The following LGALS16 variants were observed in gnomAD, a reference collection of about 807,000 sequenced individuals.
LGALS16 encodes galectin 16.
In LGALS16, 15 loss-of-function variants were observed where a neutral mutation model predicts 13.2. The observed-to-expected ratio is 1.13, with a 90% CI of 0.76 to 1.75. The LOEUF (loss-of-function observed/expected upper bound fraction) is 1.75, where lower values mean the gene tolerates loss of function less well. Ranked by LOEUF, LGALS16 falls within the 40% of genes most tolerant of loss-of-function variation. LGALS16 has a pLI of 0.00. For synonymous variants in LGALS16, 66 were observed against 65.4 expected (o/e 1.01, Z -0.05); for missense variants, 198 against 178.4 (o/e 1.11, Z -0.63).
Position 39,658,549 on chromosome 19 carries a change from G to A in LGALS16, c.182G>A (p.Arg61His), listed in dbSNP as rs184657849. 73 of 1,608,370 alleles carry A rather than the reference G, an allele frequency of 4.5e-5. No homozygotes were observed. The Admixed American group carries it at 7.1e-4, about 16-fold the overall frequency. Residue 61 changes from arginine (R) to histidine (H), a missense_variant, in exon 3 of 4, where the codon CGT becomes CAT. Transcript: ENST00000392051. ...AFHLRVHLGR[R>H]VVMNSREFGI... ...CATTTGCGAGTGCACTTAGGCCGTCGTGTGGTCATGAACAGTCGTGAGTTT... is the reference window on the plus strand; with the variant it reads ...CATTTGCGAGTGCACTTAGGCCGTCATGTGGTCATGAACAGTCGTGAGTTT...
chr19:39,659,102 CT>C (rs74178093), intron 3 of LGALS16, among the ~76,000 whole-genome samples: 2,544 of 140,768 alleles, frequency 0.018, 58 homozygotes, highest in African/African-American at 0.057. Context: ...AATCCTTTTT[CT>C]TTTTTTTTTT....
chr19:39,658,583 G>C lies in LGALS16; in HGVS notation c.216G>C (p.Trp72Cys). 6.2e-7 allele frequency: 1 copy of C among 1,608,268 alleles called. No homozygotes were observed. The highest frequency in any genetic ancestry group is 8.5e-7 in the Non-Finnish European group (1 of 1,178,958). The change falls in exon 3 of 4, where the codon TGG becomes TGC. Residue 72 changes from tryptophan (W) to cysteine (C), a missense_variant. Transcript: ENST00000392051. The stretch of plus-strand genomic sequence containing the variant: ...TGAACAGTCGTGAGTTTGGGATATG[G>C]ATGTTGGAGGAGAATTTACACTATG... The part of the protein sequence containing the change: ...VVMNSREFGI[W>C]MLEENLHYVP...
intron 1 of LGALS16, 41 bp from the exon 2 acceptor site, chr19:39,657,842 C>A (rs1390042909): frequency 1.9e-6 from 3 of 1,605,026 alleles, no homozygotes; most frequent in Non-Finnish European, 1.7e-6. Flanking sequence ...GGAGACTGCA[C>A]CTGACCCTGC....
intron 2 of LGALS16, among the ~76,000 whole-genome samples, chr19:39,658,215 CA>C (rs1973217210): frequency 6.6e-6 from 1 of 152,156 alleles, no homozygotes. Context: ...ATAGAATTTT[CA>C]GGGAATGAAC....
In LGALS16 at chr19:39,658,459, G is replaced by T; in HGVS notation, c.93-1G>T. The T allele has an allele frequency of 6.3e-7, 1 of 1,593,444 alleles. No homozygotes were observed. Among genetic ancestry groups the T allele is most frequent in the Non-Finnish European group, 8.5e-7 (1 of 1,172,880 alleles). On this transcript the variant is annotated splice_acceptor_variant, in intron 2 of 3. Transcript: ENST00000392051. LOFTEE classifies it high-confidence loss of function. ...CAATATGCTGTGTGCTTTGCCCTCA[G>T]CAACGAACCACAGCTGCAGGTGGAT...
At chr19:39,658,823 C>T (rs1475220349) in intron 3 of LGALS16, among the ~76,000 whole-genome samples, 153 bp downstream of exon 3, 2 of 152,178 alleles carry the variant, frequency 1.3e-5, no homozygotes, top group Non-Finnish European at 2.9e-5. Context: ...TCTGCTTGCA[C>T]TGCCGTCCTC....
In LGALS16 at chr19:39,660,521, T is replaced by A. The variant is rs1247637767; in HGVS notation, c.*1T>A. On this transcript the variant is annotated 3_prime_UTR_variant, in exon 4 of 4. Transcript: ENST00000392051. ...GCTTGTCAACAATGGACGGAGATGA[T>A]CACACTCCTCATTGTTGAGGAAACC... 6.5e-7 allele frequency: 1 copy of A among 1,549,410 alleles called. No individual in the cohort carries two copies. Among genetic ancestry groups the A allele is most frequent in the Admixed American group, 1.9e-5 (1 of 52,396 alleles).
intron 1 of LGALS16, chr19:39,657,678 G>T: frequency 1.6e-6 from 1 of 626,158 alleles, no homozygotes; most frequent in Non-Finnish European, 2.8e-6. Flanking sequence ...CTGGAATCCA[G>T]GCTTCTTGGC....
chr19:39,660,507 A>G lies in LGALS16; in HGVS notation c.416A>G (p.Asn139Ser). The stretch of plus-strand genomic sequence containing the variant: ...TCCCTGGACTCAGTGCTTGTCAACA[A>G]TGGACGGAGATGATCACACTCCTCA... ...DVSLDSVLVN[N>S]GRR is the part of the protein sequence containing the mutation. The change falls in exon 4 of 4, where the codon AAT becomes AGT. Residue 139 changes from asparagine (N) to serine (S), a missense_variant. Physicochemically the swap from Asn to Ser is conservative, Grantham distance 46. Coordinates refer to ENST00000392051, the MANE Select transcript of LGALS16 (RefSeq NM_001190441.3). 1 of 1,546,590 alleles carries G rather than the reference A, an allele frequency of 6.5e-7. No homozygotes were observed. The highest frequency in any genetic ancestry group is 8.7e-7 in the Non-Finnish European group (1 of 1,151,136).
Position 39,655,929 on chromosome 19 carries a change from A to T in LGALS16, c.-33A>T, listed in dbSNP as rs1321708207. ...CAGAGATTCACTCAGAAGACTGGACACAATTCCGAAGGTCGCCCAGAAGGA... is the reference window on the plus strand; with the variant it reads ...CAGAGATTCACTCAGAAGACTGGACTCAATTCCGAAGGTCGCCCAGAAGGA... On this transcript the variant is annotated 5_prime_UTR_variant, in exon 1 of 4. Transcript: ENST00000392051. 2 of 1,612,930 alleles carry T rather than the reference A, an allele frequency of 1.2e-6. No individual in the cohort carries two copies. Among genetic ancestry groups the T allele is most frequent in the African/African-American group, 2.7e-5 (2 of 74,940 alleles).
chr19:39,658,279 G>A (rs1251839454), intron 2 of LGALS16, among the ~76,000 whole-genome samples, 181 bp from the exon 3 acceptor site: 1 of 152,174 alleles, frequency 6.6e-6, no homozygotes, highest in Non-Finnish European at 1.5e-5. Context: ...TGGGGATGAG[G>A]GGCACAGCAT....
chr19:39,657,555 T>C (rs545895748), intron 1 of LGALS16, among the ~76,000 whole-genome samples: 57 of 152,280 alleles, frequency 3.7e-4, no homozygotes, highest in African/African-American at 1.3e-3. Context: ...TGCTCTATTA[T>C]GGAGAACTTC....
intron 3 of LGALS16, among the ~76,000 whole-genome samples, chr19:39,659,480 G>T (rs1600818894): frequency 6.6e-6 from 1 of 152,250 alleles, no homozygotes; most frequent in Non-Finnish European, 1.5e-5. Flanking sequence ...TTATGCTTTA[G>T]GAACTAAGTT....
At chr19:39,658,303 G>A (rs1005215000) in intron 2 of LGALS16, among the ~76,000 whole-genome samples, 157 bp from the exon 3 acceptor site, 1 of 152,198 alleles carries the variant, frequency 6.6e-6, no homozygotes, top group Admixed American at 6.5e-5. Context: ...CCTGCAGGGG[G>A]CACGAGGAGC....
chr19:39,658,738 G>T (rs2144865324), intron 3 of LGALS16, 68 bp downstream of exon 3: 8 of 1,040,876 alleles, frequency 7.7e-6, no homozygotes, highest in Middle Eastern at 2.1e-4. Context: ...AGCTCTCATT[G>T]ACCTGGCCTC....
intron 1 of LGALS16, among the ~76,000 whole-genome samples, chr19:39,657,400 G>A (rs1161048703): frequency 6.6e-6 from 1 of 152,134 alleles, no homozygotes; most frequent in Non-Finnish European, 1.5e-5. Flanking sequence ...CCACTTCTTG[G>A]AAGGACGTCC....
chr19:39,658,250 CTG>C (rs1156726530), intron 2 of LGALS16, among the ~76,000 whole-genome samples: 1 of 152,190 alleles, frequency 6.6e-6, no homozygotes, highest in African/African-American at 2.4e-5. Flanking sequence ...AGGTCAGTGA[CTG>C]TGATTCAGTT....
chr19:39,659,010 A>G (rs985422063), intron 3 of LGALS16, among the ~76,000 whole-genome samples: 2 of 152,148 alleles, frequency 1.3e-5, no homozygotes, highest in African/African-American at 4.8e-5. Flanking sequence ...TATCAATCAA[A>G]AATTATGTCT....
intron 2 of LGALS16, 56 bp from the exon 3 acceptor site, chr19:39,658,404 G>A: frequency 2.9e-6 from 4 of 1,376,200 alleles, no homozygotes; most frequent in Non-Finnish European, 3.0e-6. Context: ...TGCGTGTCAA[G>A]TGTGTGTCTG....
Sources: gnomAD v4.1 joint callset for allele counts (sites outside exome capture counted in the v4.1 genomes callset) on GRCh38, gnomAD v4.1.1 for gene constraint, MANE v1.5 for transcripts, NCBI Gene and HGNC (gene_info 2026-07-23, HGNC 2026-07-21) for gene names.